The following PDE1A variants were observed in gnomAD, a reference collection of about 807,000 sequenced individuals.
PDE1A encodes dual specificity calcium/calmodulin-dependent 3',5'-cyclic nucleotide phosphodiesterase 1A.
In PDE1A, 35 loss-of-function variants were observed where a neutral mutation model predicts 61.7. The observed-to-expected ratio is 0.57, with a 90% CI of 0.43 to 0.75. The LOEUF (loss-of-function observed/expected upper bound fraction) is 0.75. Among genes scored for constraint, PDE1A ranks in the 30% least tolerant of loss-of-function variants. PDE1A has a pLI of 0.00. For synonymous variants in PDE1A, 232 were observed against 213.2 expected (o/e 1.09, Z -0.77); for missense variants, 597 against 630.6 (o/e 0.95, Z 0.57).
chr2:182,547,032 T>G, the PDE1A span, among the ~76,000 whole-genome samples: 3 of 152,210 alleles, frequency 2.0e-5, no homozygotes, highest in Admixed American at 2.0e-4. Flanking sequence ...TAACTGAAGT[T>G]AGTGCTCCTT....
chr2:182,533,581 T>C, the PDE1A span, among the ~76,000 whole-genome samples: 10 of 152,236 alleles, frequency 6.6e-5, no homozygotes, highest in South Asian at 2.1e-3. Flanking sequence ...AAAATCAAGA[T>C]ATAGAGACTT....
chr2:182,169,620 C>T (rs926853769), intron 13 of PDE1A, among the ~76,000 whole-genome samples: 3 of 151,998 alleles, frequency 2.0e-5, no homozygotes, highest in Non-Finnish European at 4.4e-5. Flanking sequence ...CTTCTAATAT[C>T]CTGACTGTAT....
intron 1 of PDE1A, among the ~76,000 whole-genome samples, chr2:182,300,067 C>A (rs1345339880): frequency 6.6e-6 from 1 of 152,092 alleles, no homozygotes; most frequent in East Asian, 1.9e-4. Flanking sequence ...GTCCTATATG[C>A]CCCAAGGTAA....
chr2:182,697,655 T>C, the PDE1A span, among the ~76,000 whole-genome samples: 3 of 152,264 alleles, frequency 2.0e-5, no homozygotes, highest in African/African-American at 7.2e-5. Context: ...GTGTTTTTAA[T>C]TTTTATGTGA....
the PDE1A span, among the ~76,000 whole-genome samples, chr2:182,707,824 G>A: frequency 8.1e-4 from 123 of 152,226 alleles, no homozygotes; most frequent in African/African-American, 2.7e-3. Context: ...GGTAGAAGTC[G>A]CAATTAAATT....
chr2:182,299,810 T>C (rs1055135735), intron 1 of PDE1A, among the ~76,000 whole-genome samples: 11 of 152,260 alleles, frequency 7.2e-5, no homozygotes, highest in African/African-American at 2.6e-4. Flanking sequence ...TACACCAAGA[T>C]TGCTAACTTT....
the PDE1A span, among the ~76,000 whole-genome samples, chr2:182,666,444 C>G: frequency 6.6e-6 from 1 of 151,538 alleles, no homozygotes; most frequent in Admixed American, 6.6e-5. Flanking sequence ...ATGGTGAAAC[C>G]CCATCAATAC....
At chr2:182,399,094 G>A (rs575436055) in intron 1 of PDE1A, among the ~76,000 whole-genome samples, 18 of 151,736 alleles carry the variant, frequency 1.2e-4, no homozygotes, top group South Asian at 4.2e-4. Context: ...TCAAAATTAC[G>A]GCCAGTTTTC....
chr2:182,405,914 A>T (rs906427473), intron 1 of PDE1A, among the ~76,000 whole-genome samples: 1 of 152,096 alleles, frequency 6.6e-6, no homozygotes, highest in African/African-American at 2.4e-5. Flanking sequence ...AAAAGTAAAA[A>T]TAATTTTTAA....
At chr2:182,538,710 G>A in the PDE1A span, among the ~76,000 whole-genome samples, 1 of 152,022 alleles carries the variant, frequency 6.6e-6, no homozygotes, top group South Asian at 2.1e-4. Flanking sequence ...AAATATTTTA[G>A]GCCTAGTACT....
the PDE1A span, among the ~76,000 whole-genome samples, chr2:182,648,571 C>T: frequency 6.9e-6 from 1 of 144,770 alleles, no homozygotes; most frequent in Non-Finnish European, 1.5e-5. Flanking sequence ...TGCACTGGTG[C>T]ATGCCTGGAG....
At chr2:182,609,501 C>T in the PDE1A span, among the ~76,000 whole-genome samples, 1 of 152,232 alleles carries the variant, frequency 6.6e-6, no homozygotes, top group African/African-American at 2.4e-5. Flanking sequence ...TGAAGGTCTG[C>T]AGCCTCACTC....
intron 2 of PDE1A, among the ~76,000 whole-genome samples, chr2:182,473,116 C>T (rs965165286): frequency 6.6e-6 from 1 of 151,760 alleles, no homozygotes; most frequent in Non-Finnish European, 1.5e-5. Context: ...TATCCCTCCC[C>T]CCTCAACCCC....
At chr2:182,657,568 T>C in the PDE1A span, among the ~76,000 whole-genome samples, 1 of 152,188 alleles carries the variant, frequency 6.6e-6, no homozygotes, top group African/African-American at 2.4e-5. Flanking sequence ...CTTTTCATCA[T>C]GTATCCAACG....
At chr2:182,500,736 A>G (rs571473590) in intron 2 of PDE1A, among the ~76,000 whole-genome samples, 93 of 152,352 alleles carry the variant, frequency 6.1e-4, no homozygotes, top group Non-Finnish European at 1.0e-3. Context: ...CATTTCCAAA[A>G]GGCCAAAAGT....
intron 1 of PDE1A, among the ~76,000 whole-genome samples, chr2:182,409,183 G>T (rs1262385021): frequency 1.3e-5 from 2 of 151,660 alleles, no homozygotes; most frequent in East Asian, 3.9e-4. Context: ...CCTTAAAATC[G>T]AATCCTTTTT....
the PDE1A span, among the ~76,000 whole-genome samples, chr2:182,571,067 A>G: frequency 6.6e-6 from 1 of 152,218 alleles, no homozygotes; most frequent in Non-Finnish European, 1.5e-5. Flanking sequence ...TTTTAAGTAG[A>G]TGCTAATGTT....
At chr2:182,592,703 G>A in the PDE1A span, among the ~76,000 whole-genome samples, 17 of 152,190 alleles carry the variant, frequency 1.1e-4, no homozygotes, top group African/African-American at 3.9e-4. Flanking sequence ...ACATGGAGGT[G>A]TTTTGGATAA....
the PDE1A span, among the ~76,000 whole-genome samples, chr2:182,560,537 T>A: frequency 5.3e-5 from 8 of 151,536 alleles, no homozygotes; most frequent in East Asian, 1.6e-3. Context: ...TGTGCATGTG[T>A]CTTTATAGCA....
Sources: allele counts gnomAD v4.1 joint callset (sites outside exome capture counted in the v4.1 genomes callset), GRCh38; gene constraint gnomAD v4.1.1; transcripts MANE v1.5; gene names NCBI Gene and HGNC (gene_info 2026-07-23, HGNC 2026-07-21).